Variants in SLC12A9 observed in about 807,000 individuals in gnomAD.
SLC12A9 encodes CCC-interacting protein 1.
In SLC12A9, 55 loss-of-function variants were observed where a neutral mutation model predicts 66.0. The ratio of observed to expected loss-of-function variants is 0.83; its 90% confidence interval spans 0.67 to 1.04. SLC12A9 has a LOEUF of 1.04. Among genes scored for constraint, SLC12A9 ranks in the 50% least tolerant of loss-of-function variants. The probability of loss-of-function intolerance (pLI) is 0.00; values close to 1 mark genes in which losing one functional copy is unlikely to be tolerated. For synonymous variants in SLC12A9, 577 were observed against 569.0 expected (o/e 1.01, Z -0.20); for missense variants, 1,061 against 1,241.9 (o/e 0.85, Z 2.19).
At position 100,833,932 on chromosome 7, in the gene SLC12A9, C is replaced by CAAAAA. The variant is rs60667059; in HGVS notation, n.228+6910_228+6914dup. Among the ~76,000 whole-genome samples the CAAAAA allele has an allele frequency of 2.3e-3, 144 of 62,950 alleles. 1 individual carries two copies. The highest frequency in any genetic ancestry group is 6.6e-3 in the Middle Eastern group (1 of 152). The allele number at this position is 62,950 out of a possible 152,430, so 41.3% of individuals were successfully genotyped here. A position where few individuals can be genotyped will look rare whatever the true frequency, so the allele number is the denominator to read the frequency against. Reference sequence around the variant, plus strand: ...TCAGGTACAGAGCGAGACTCTGTCTCAAAAAAAAAAAAAAAAAAAAAAAAA... The same window carrying CAAAAA: ...TCAGGTACAGAGCGAGACTCTGTCTCAAAAAAAAAAAAAAAAAAAAAAAAAAAAAA... On this transcript the variant is annotated intron_variant and non_coding_transcript_variant, in intron 1 of 1. Coordinates refer to the SLC12A9 transcript ENST00000461016.
chr7:100,850,234 A>ATTCC (rs1294336948), upstream of SLC12A9, among the ~76,000 whole-genome samples: 1 of 80,558 alleles, frequency 1.2e-5, no homozygotes, highest in African/African-American at 5.4e-5. Flanking sequence ...TCCTTCCTTC[A>ATTCC]TTCCTTCCTT....
At chr7:100,862,054 G>A (rs553918934) in intron 12 of SLC12A9, 143 bp downstream of exon 12, 3 of 839,060 alleles carry the variant, frequency 3.6e-6, no homozygotes, top group Non-Finnish European at 5.5e-6. Context: ...CCACCTCCCA[G>A]GTTCAAGTAA....
rs1307688805 is a variant in SLC12A9 at position 100,866,315 on chromosome 7, G to A, written c.2455G>A (p.Asp819Asn). ...AGEPEAEEEGDFVNSGRGDAE... is the reference protein window; with the variant it reads ...AGEPEAEEEGNFVNSGRGDAE... ...GGAACCCGAGGCGGAGGAGGAAGGG[G>A]ACTTTGTGAACAGTGGGCGGGGAGA... The change falls in exon 14 of 14, where the codon GAC (aspartate) becomes AAC (asparagine). Residue 819 changes from aspartate to asparagine, a missense_variant. Asp to Asn is a conservative substitution (Grantham distance 23, BLOSUM62 1). Transcript: ENST00000354161. The surrounding 1 kb of genome is among the most constrained non-coding windows in gnomAD (Gnocchi z 7.3). The A allele has an allele frequency of 6.6e-7, 1 of 1,512,356 alleles. No individual in the cohort carries two copies. Among genetic ancestry groups the A allele is most frequent in the East Asian group, 2.4e-5 (1 of 40,868 alleles). The allele number at this position is 1,512,356 out of a possible 1,614,324, so 93.7% of individuals were successfully genotyped here. A position where few individuals can be genotyped will look rare whatever the true frequency, so the allele number is the denominator to read the frequency against.
At chr7:100,837,741 CTCG>C (rs1813690987) in intron 1 of SLC12A9, among the ~76,000 whole-genome samples, 1 of 152,192 alleles carries the variant, frequency 6.6e-6, no homozygotes, top group African/African-American at 2.4e-5. Context: ...TCATTGCAGC[CTCG>C]AACTCTTGAC....
chr7:100,859,129 G>C lies in SLC12A9; in HGVS notation c.945G>C (p.Leu315=), dbSNP rs778426518. 6.2e-7 allele frequency: 1 copy of C among 1,614,068 alleles called. No homozygotes were observed. The highest frequency in any genetic ancestry group is 8.5e-7 in the Non-Finnish European group (1 of 1,180,006). The change falls in exon 7 of 14, where the codon CTG becomes CTC. Residue 315 remains leucine (L), a synonymous_variant. Coordinates refer to ENST00000354161, the MANE Select transcript of SLC12A9 (RefSeq NM_020246.4). The stretch of plus-strand genomic sequence containing the variant: ...CCTACACCTTCTTCGTCTATGTCCT[G>C]CTTTTCTTTCTCTCCAGCTTCACTT... ...AVAYTFFVYV[L]LFFLSSFTCD...
At chr7:100,865,154 C>T (rs2115570241) in intron 13 of SLC12A9, 2 of 1,036,200 alleles carry the variant, frequency 1.9e-6, no homozygotes, top group Non-Finnish European at 2.9e-6. Flanking sequence ...GATAGCATTT[C>T]ACCGTATTGG....
chr7:100,835,355 T>TAA lies in SLC12A9; in HGVS notation n.228+8321_228+8322dup, dbSNP rs57845433. Among the ~76,000 whole-genome samples, 375 of 122,794 alleles carry TAA rather than the reference T, an allele frequency of 3.1e-3. 3 individuals are homozygous for TAA. The highest frequency in any genetic ancestry group is 3.7e-3 in the Non-Finnish European group (221 of 58,960). The allele number at this position is 122,794 out of a possible 152,430, so 80.6% of individuals were successfully genotyped here. A position where few individuals can be genotyped will look rare whatever the true frequency, so the allele number is the denominator to read the frequency against. On this transcript the variant is annotated intron_variant and non_coding_transcript_variant, in intron 1 of 1. Coordinates refer to the SLC12A9 transcript ENST00000461016. The stretch of plus-strand genomic sequence containing the variant: ...GGGCAACAAAGCGAGGCTCTGTCTT[T>TAA]AAAAAAAAAAAAAATGCCGGGCGCG...
chr7:100,854,836 G>T, intron 3 of SLC12A9, 82 bp downstream of exon 3: 1 of 1,553,598 alleles, frequency 6.4e-7, no homozygotes, highest in Non-Finnish European at 8.7e-7. Flanking sequence ...ACCTTTGTTG[G>T]CTCAGGGGCA....
At chr7:100,862,627 A>G (rs1814827457) in intron 12 of SLC12A9, 54 bp from the exon 13 acceptor site, 2 of 1,603,422 alleles carry the variant, frequency 1.2e-6, no homozygotes, top group Non-Finnish European at 1.7e-6. Flanking sequence ...GGACTCTAGG[A>G]GACATTGAGT....
exon 1 of SLC12A9, chr7:100,827,019 C>T: frequency 6.3e-7 from 1 of 1,585,798 alleles, no homozygotes; most frequent in South Asian, 1.2e-5. Flanking sequence ...AGAGCAGCAC[C>T]CGGAGCTCCA....
At chr7:100,827,030 T>A in exon 1 of SLC12A9, 1 of 1,582,044 alleles carries the variant, frequency 6.3e-7, no homozygotes, top group Non-Finnish European at 8.6e-7. Context: ...CGGAGCTCCA[T>A]GGCGCCGCCT....
rs373784492 is a variant in SLC12A9, at chr7:100,837,151, C to T, written n.228+10104C>T. On this transcript the variant is annotated intron_variant and non_coding_transcript_variant, in intron 1 of 1. Coordinates refer to the SLC12A9 transcript ENST00000461016. ...AGAGATGGGGGCTCGCTATGTTGCC[C>T]AGGCTGGTCTCGAACACCTGGGCTC... Among the ~76,000 whole-genome samples the T allele has an allele frequency of 3.6e-4, 55 of 152,236 alleles. No individual in the cohort carries two copies. In the East Asian group the frequency reaches 8.0e-3, roughly 22 times the overall value.
In SLC12A9 at chr7:100,864,633, C is replaced by T. The variant is rs1050747622; in HGVS notation, c.1859-1086C>T. On this transcript the variant is annotated intron_variant, in intron 13 of 13. Coordinates refer to ENST00000354161, the MANE Select transcript of SLC12A9 (RefSeq NM_020246.4). ...CATTGTGGTTGCCACGTGCCCAGCT[C>T]GGTGGCTCAGAGTGTGGCCTCTCAC... 3.9e-5 allele frequency among the ~76,000 whole-genome samples: 6 copies of T among 152,158 alleles called. No homozygotes were observed. The East Asian group carries it at 5.8e-4, about 15-fold the overall frequency.
chr7:100,842,608 A>C (rs898429834), intron 1 of SLC12A9, among the ~76,000 whole-genome samples: 5 of 152,248 alleles, frequency 3.3e-5, no homozygotes, highest in African/African-American at 1.2e-4. Context: ...ATTTCCTAAA[A>C]TCATACATTA....
At chr7:100,827,699 A>G (rs531918538) in intron 1 of SLC12A9, among the ~76,000 whole-genome samples, 2 of 152,112 alleles carry the variant, frequency 1.3e-5, no homozygotes, top group Non-Finnish European at 2.9e-5. Flanking sequence ...AAGTTGAGAG[A>G]AAGTTTGGAG....
Position 100,865,446 on chromosome 7 carries a change from G to C in SLC12A9, c.1859-273G>C, listed in dbSNP as rs1032240834. 2.6e-6 allele frequency: 4 copies of C among 1,535,970 alleles called. 1 individual carries two copies. The highest frequency in any genetic ancestry group is 3.5e-6 in the Non-Finnish European group (4 of 1,146,816). Reference sequence around the variant, plus strand: ...ATCCTCCTCTCCATAGAATTGGAGTGCTCATTAGTGGCAAGAATCCTAAGG... The same window carrying C: ...ATCCTCCTCTCCATAGAATTGGAGTCCTCATTAGTGGCAAGAATCCTAAGG... On this transcript the variant is annotated intron_variant, in intron 13 of 13. Transcript: ENST00000354161.
In SLC12A9 at chr7:100,832,292, T is replaced by A. The variant is rs1813559360; in HGVS notation, n.228+5245T>A. On this transcript the variant is annotated intron_variant and non_coding_transcript_variant, in intron 1 of 1. Transcript: ENST00000461016. The stretch of plus-strand genomic sequence containing the variant: ...AGCCAAGGCAGGAGGATTGCTTGAG[T>A]CCTGGAGTTTGAGACCGGCCTGGGC... Among the ~76,000 whole-genome samples, 7 of 151,864 alleles carry A rather than the reference T, an allele frequency of 4.6e-5. No homozygotes were observed. The South Asian group carries it at 1.4e-3, about 31-fold the overall frequency.
intron 13 of SLC12A9, 21 bp downstream of exon 13, chr7:100,862,848 T>C: frequency 6.2e-7 from 1 of 1,613,528 alleles, no homozygotes; most frequent in Non-Finnish European, 8.5e-7. Flanking sequence ...TCTCCCTGGA[T>C]GCCCTCGGCC....
intron 4 of SLC12A9, chr7:100,856,548 T>G: frequency 4.1e-6 from 1 of 241,278 alleles, no homozygotes; most frequent in Non-Finnish European, 8.0e-6. Context: ...AAGGTCTCAC[T>G]CTGTCACCAA....
Sources: allele counts gnomAD v4.1 joint callset (sites outside exome capture counted in the v4.1 genomes callset), GRCh38; gene constraint gnomAD v4.1.1; non-coding constraint Gnocchi (gnomAD v3.1); transcripts MANE v1.5; gene names NCBI Gene and HGNC (gene_info 2026-07-23, HGNC 2026-07-21).